The following ASB15 variants were observed in gnomAD, a reference collection of about 807,000 sequenced individuals.
The protein encoded by ASB15 is ankyrin repeat and SOCS box protein 15.
ASB15 carries 54 observed loss-of-function variants against 58.0 expected under a neutral mutation model. The ratio of observed to expected loss-of-function variants is 0.93; its 90% CI spans 0.75 to 1.17. The LOEUF is 1.17. Ranked by LOEUF, ASB15 falls within the 50% of genes most tolerant of loss-of-function variation. The pLI is 0.00. For missense variants in ASB15, 680 were observed against 707.4 expected (o/e 0.96, Z 0.44); for synonymous variants, 249 against 262.4 (o/e 0.95, Z 0.50).
Position 123,629,066 on chromosome 7 carries a change from G to T in ASB15, c.1072G>T (p.Val358Phe). The T allele has an allele frequency of 6.2e-7, 1 of 1,613,552 alleles. No homozygotes were observed. Among genetic ancestry groups the T allele is most frequent in the Non-Finnish European group, 8.5e-7 (1 of 1,179,660 alleles). The change falls in exon 10 of 12, where the codon GTT becomes TTT. Residue 358 changes from valine (V) to phenylalanine (F), a missense_variant. Val to Phe is a conservative substitution (Grantham distance 50). Coordinates refer to ENST00000451215, the MANE Select transcript of ASB15 (RefSeq NM_001290258.2). ...GAGGAAGACTGCGCTGTATTTTGGCGTTTCTAATAATGACGTTCATTGCAC... is the reference window on the plus strand; with the variant it reads ...GAGGAAGACTGCGCTGTATTTTGGCTTTTCTAATAATGACGTTCATTGCAC... ...DERKTALYFG[V>F]SNNDVHCTEV...
At chr7:123,587,660 T>C (rs921152690) in intron 1 of ASB15, among the ~76,000 whole-genome samples, 5 of 151,672 alleles carry the variant, frequency 3.3e-5, no homozygotes, top group Non-Finnish European at 7.4e-5. Flanking sequence ...CACCTGTATG[T>C]TCACTGTAAG....
intron 1 of ASB15, among the ~76,000 whole-genome samples, chr7:123,569,353 A>G (rs1260570648): frequency 6.6e-6 from 1 of 152,228 alleles, no homozygotes; most frequent in Non-Finnish European, 1.5e-5. Context: ...GATCTCAGAT[A>G]CATGTAAATA....
At chr7:123,568,535 A>G (rs966942467) in intron 1 of ASB15, among the ~76,000 whole-genome samples, 1 of 151,938 alleles carries the variant, frequency 6.6e-6, no homozygotes, top group African/African-American at 2.4e-5. Flanking sequence ...AAAAAAAAAA[A>G]AAAAGAAAAT....
rs530987739 is a variant in ASB15 at position 123,601,826 on chromosome 7, C to T, written c.-333C>T. On this transcript the variant is annotated 5_prime_UTR_variant, in exon 1 of 12. Transcript: ENST00000451215. ...CCAACTGGATACTTAATTTTAGATA[C>T]ACAGAAGCACACATTGGCTCCAGGG... 6.6e-6 allele frequency: 1 copy of T among 152,236 alleles called. No individual in the cohort carries two copies. The highest frequency in any genetic ancestry group is 1.5e-5 in the Non-Finnish European group (1 of 68,018). 9.4% of individuals were successfully genotyped at this position (152,236 alleles called of 1,614,324 possible).
chr7:123,584,093 T>C (rs1264389433), intron 1 of ASB15, among the ~76,000 whole-genome samples: 4 of 151,804 alleles, frequency 2.6e-5, no homozygotes, highest in African/African-American at 9.7e-5. Flanking sequence ...GTTTTAAGTA[T>C]CACTAATTTA....
chr7:123,611,580 G>C (rs28508411), intron 3 of ASB15, among the ~76,000 whole-genome samples: 2,566 of 152,310 alleles, frequency 0.017, 66 homozygotes, highest in African/African-American at 0.058. Context: ...ACAGGCGTGA[G>C]CCACGGTGCC....
At chr7:123,581,082 C>A (rs1412940641) in intron 1 of ASB15, among the ~76,000 whole-genome samples, 2 of 151,852 alleles carry the variant, frequency 1.3e-5, no homozygotes, top group Non-Finnish European at 2.9e-5. Flanking sequence ...TTAAAAATGG[C>A]TTGTATTTAC....
chr7:123,586,093 A>G (rs1453933926), intron 1 of ASB15, among the ~76,000 whole-genome samples: 2 of 151,844 alleles, frequency 1.3e-5, no homozygotes, highest in South Asian at 2.1e-4. Flanking sequence ...GCTATATACT[A>G]ACAGGTGAGG....
intron 7 of ASB15, chr7:123,622,632 T>A (rs1036494362): frequency 3.3e-5 from 5 of 152,324 alleles, no homozygotes; most frequent in Admixed American, 6.5e-5. Flanking sequence ...GTAAAAAGAT[T>A]ATGAGGGAAC....
chr7:123,584,501 C>A (rs1799324772), intron 1 of ASB15, among the ~76,000 whole-genome samples: 1 of 151,884 alleles, frequency 6.6e-6, no homozygotes, highest in Non-Finnish European at 1.5e-5. Flanking sequence ...ATACTAACAT[C>A]TTGTTCTAAA....
At chr7:123,621,628 CTATT>C (rs1313312671) in intron 7 of ASB15, 1 of 152,122 alleles carries the variant, frequency 6.6e-6, no homozygotes, top group Non-Finnish European at 1.5e-5. Context: ...ATCCTTATCT[CTATT>C]TATGAGATAT....
At chr7:123,568,423 G>T (rs1269072697) in intron 1 of ASB15, among the ~76,000 whole-genome samples, 2 of 151,860 alleles carry the variant, frequency 1.3e-5, no homozygotes, top group African/African-American at 4.8e-5. Flanking sequence ...GGGAGGCTGA[G>T]ACAGGAGAAT....
At chr7:123,606,198 T>G (rs1202690068) in intron 2 of ASB15, among the ~76,000 whole-genome samples, 1 of 152,182 alleles carries the variant, frequency 6.6e-6, no homozygotes, top group African/African-American at 2.4e-5. Flanking sequence ...ATTGATTTCA[T>G]GCAGACAGAC....
intron 11 of ASB15, among the ~76,000 whole-genome samples, chr7:123,633,117 T>C (rs1165859413): frequency 6.6e-6 from 1 of 152,132 alleles, no homozygotes; most frequent in Non-Finnish European, 1.5e-5. Flanking sequence ...AAATGGCCTT[T>C]AGACAACCCA....
At chr7:123,589,107 G>A (rs1799457634) in intron 1 of ASB15, among the ~76,000 whole-genome samples, 1 of 151,616 alleles carries the variant, frequency 6.6e-6, no homozygotes, top group South Asian at 2.1e-4. Flanking sequence ...TGGTTTTCCT[G>A]TCTAAATAAT....
chr7:123,576,339 T>G (rs1174272768), intron 1 of ASB15, among the ~76,000 whole-genome samples: 2 of 152,048 alleles, frequency 1.3e-5, no homozygotes, highest in African/African-American at 4.8e-5. Flanking sequence ...AGTTGTGTTT[T>G]TTGTTGTTGT....
At chr7:123,620,462 T>C (rs1027908182) in intron 7 of ASB15, among the ~76,000 whole-genome samples, 13 of 134,442 alleles carry the variant, frequency 9.7e-5, no homozygotes, top group African/African-American at 3.6e-4. Flanking sequence ...AGAATATGTA[T>C]CTGTGGGTGT....
chr7:123,567,350 A>T (rs1798789503), intron 1 of ASB15, among the ~76,000 whole-genome samples: 1 of 152,146 alleles, frequency 6.6e-6, no homozygotes. Flanking sequence ...GAATGTTGGG[A>T]AGTTCTGTAA....
Position 123,624,731 on chromosome 7 carries a change from T to C in ASB15, c.614T>C (p.Leu205Pro). ...LLLKHGGNVH[L>P]RDGFGVTPLG... is the part of the protein sequence containing the mutation. ...CTGAAACATGGAGGCAATGTCCACCTGAGAGATGGATTTGGAGTCACACCA... is the reference window on the plus strand; with the variant it reads ...CTGAAACATGGAGGCAATGTCCACCCGAGAGATGGATTTGGAGTCACACCA... The change falls in exon 8 of 12, where the codon CTG (leucine) becomes CCG (proline). Residue 205 changes from leucine (L) to proline (P), a missense_variant. Leu to Pro is a moderately conservative substitution (Grantham distance 98, BLOSUM62 -3). Transcript: ENST00000451215. 6.2e-7 allele frequency: 1 copy of C among 1,614,154 alleles called. No individual in the cohort carries two copies. Among genetic ancestry groups the C allele is most frequent in the Non-Finnish European group, 8.5e-7 (1 of 1,180,010 alleles).
Sources: allele counts gnomAD v4.1 joint callset (sites outside exome capture counted in the v4.1 genomes callset), GRCh38; gene constraint gnomAD v4.1.1; transcripts MANE v1.5; gene names NCBI Gene and HGNC (gene_info 2026-07-23, HGNC 2026-07-21).